CDH12: variants seen among roughly 807,000 people sequenced by gnomAD.
CDH12 encodes the protein cadherin-12.
CDH12 carries 41 observed loss-of-function variants against 74.1 expected under a neutral mutation model. The ratio of observed to expected loss-of-function variants is 0.55; its 90% CI spans 0.43 to 0.72. The LOEUF is 0.72. CDH12 is among the 30% of genes least tolerant of loss of function. The pLI is 0.00. For missense variants in CDH12, 945 were observed against 977.2 expected (o/e 0.97, Z 0.44); for synonymous variants, 399 against 355.0 (o/e 1.12, Z -1.39).
At chr5:22,029,801 G>A (rs1738681993) in intron 5 of CDH12, among the ~76,000 whole-genome samples, 2 of 151,790 alleles carry the variant, frequency 1.3e-5, no homozygotes, top group African/African-American at 4.8e-5. Context: ...CTGCTATAAA[G>A]ACACATGCAC....
rs943592915 is a variant in CDH12, at chr5:22,268,573, TA to T, written c.-332-55931del. 1.3e-4 allele frequency among the ~76,000 whole-genome samples: 19 copies of T among 151,394 alleles called. No homozygotes were observed. In the East Asian group the frequency reaches 1.6e-3, roughly 12 times the overall value. Reference sequence around the variant, plus strand: ...CATATACTTCTGATTTTAATTTTTGTAAAAAAAAACTCTACAATTTATTATA... The same window carrying T: ...CATATACTTCTGATTTTAATTTTTGTAAAAAAAACTCTACAATTTATTATA... On this transcript the variant is annotated intron_variant, in intron 3 of 14. Coordinates refer to ENST00000382254, the MANE Select transcript of CDH12 (RefSeq NM_004061.5).
intron 5 of CDH12, among the ~76,000 whole-genome samples, chr5:22,016,341 C>T (rs1179364335): frequency 6.6e-6 from 1 of 151,966 alleles, no homozygotes; most frequent in African/African-American, 2.4e-5. Context: ...TGGTGAAAGC[C>T]ATATACTTTG....
intron 9 of CDH12, among the ~76,000 whole-genome samples, chr5:21,805,070 G>C (rs184929694): frequency 7.7e-4 from 117 of 152,048 alleles, no homozygotes; most frequent in South Asian, 5.6e-3. Flanking sequence ...TATCACCTTA[G>C]GGTTCCTTTT....
At chr5:22,735,476 A>C (rs1476770224) in intron 1 of CDH12, among the ~76,000 whole-genome samples, 1 of 151,928 alleles carries the variant, frequency 6.6e-6, no homozygotes, top group African/African-American at 2.4e-5. Context: ...AGTATACTAC[A>C]TCCTAAAATG....
intron 4 of CDH12, among the ~76,000 whole-genome samples, chr5:22,155,223 AT>A: frequency 6.6e-6 from 1 of 152,236 alleles, no homozygotes; most frequent in East Asian, 1.9e-4. Flanking sequence ...CAAGTGTGCT[AT>A]GTAACATGAC....
At chr5:21,955,186 T>C (rs920228398) in intron 6 of CDH12, among the ~76,000 whole-genome samples, 33 of 152,012 alleles carry the variant, frequency 2.2e-4, no homozygotes, top group Admixed American at 2.2e-3. Context: ...TGAAAAAAAA[T>C]AGGCACTTGC....
At chr5:21,806,915 G>C (rs1224110419) in intron 9 of CDH12, among the ~76,000 whole-genome samples, 1 of 152,096 alleles carries the variant, frequency 6.6e-6, no homozygotes, top group East Asian at 1.9e-4. Context: ...TGCCCTCCTT[G>C]GTCCTGGGCC....
chr5:22,600,640 T>C (rs1295253612), intron 1 of CDH12, among the ~76,000 whole-genome samples: 3 of 152,092 alleles, frequency 2.0e-5, no homozygotes, highest in Non-Finnish European at 4.4e-5. Context: ...CTTATAAATA[T>C]GTATTTGGTA....
intron 1 of CDH12, among the ~76,000 whole-genome samples, chr5:22,819,682 TAA>T (rs998885092): frequency 6.6e-6 from 1 of 151,630 alleles, no homozygotes; most frequent in African/African-American, 2.4e-5. Context: ...CACAAGAGAA[TAA>T]GACATGTAAC....
chr5:22,819,547 C>G (rs778390296), intron 1 of CDH12, among the ~76,000 whole-genome samples: 1 of 151,810 alleles, frequency 6.6e-6, no homozygotes, highest in Non-Finnish European at 1.5e-5. Context: ...TGGAAAAAAG[C>G]TATGCAAACA....
At chr5:21,860,027 A>G (rs532104881) in intron 6 of CDH12, among the ~76,000 whole-genome samples, 1 of 151,876 alleles carries the variant, frequency 6.6e-6, no homozygotes, top group Admixed American at 6.6e-5. Context: ...AAAAAAAAAC[A>G]TGACCTGCTG....
intron 4 of CDH12, among the ~76,000 whole-genome samples, chr5:22,095,972 G>T (rs111668441): frequency 6.6e-5 from 10 of 150,756 alleles, no homozygotes; most frequent in Admixed American, 6.6e-4. Flanking sequence ...TTATATCTGC[G>T]CTCCAACCCC....
At chr5:21,931,483 A>G (rs1754833847) in intron 6 of CDH12, among the ~76,000 whole-genome samples, 1 of 152,212 alleles carries the variant, frequency 6.6e-6, no homozygotes, top group Non-Finnish European at 1.5e-5. Flanking sequence ...AACAAAAGAA[A>G]TATTCACTAA....
In CDH12 at chr5:22,284,709, A is replaced by G. The variant is rs117203072; in HGVS notation, c.-332-72066T>C. 1.5e-4 allele frequency among the ~76,000 whole-genome samples: 23 copies of G among 152,320 alleles called. No individual in the cohort carries two copies. In the East Asian group the frequency reaches 3.1e-3, roughly 20 times the overall value. ...TCTACACCATCCCATACTCACAGGAAGAGGATTCAACAAGTGTCTGAATAC... is the reference window on the plus strand; with the variant it reads ...TCTACACCATCCCATACTCACAGGAGGAGGATTCAACAAGTGTCTGAATAC... On this transcript the variant is annotated intron_variant, in intron 3 of 14. Coordinates refer to ENST00000382254, the MANE Select transcript of CDH12 (RefSeq NM_004061.5).
At chr5:21,876,437 T>A (rs1751944239) in intron 6 of CDH12, among the ~76,000 whole-genome samples, 1 of 152,198 alleles carries the variant, frequency 6.6e-6, no homozygotes, top group Non-Finnish European at 1.5e-5. Context: ...TCATTTATAC[T>A]TTCCGGTTGC....
At chr5:21,916,396 A>C (rs548249131) in intron 6 of CDH12, among the ~76,000 whole-genome samples, 115 of 152,300 alleles carry the variant, frequency 7.6e-4, no homozygotes, top group Non-Finnish European at 1.5e-3. Flanking sequence ...TCTTCAAATA[A>C]GCTCCAGTGA....
At chr5:22,250,929 A>G (rs1409481692) in intron 3 of CDH12, among the ~76,000 whole-genome samples, 1 of 152,234 alleles carries the variant, frequency 6.6e-6, no homozygotes, top group African/African-American at 2.4e-5. Context: ...GAAATGACCT[A>G]TAAAGATAAA....
chr5:22,195,090 A>G lies in CDH12; in HGVS notation c.-187+17408T>C, dbSNP rs533754262. 3.9e-4 allele frequency among the ~76,000 whole-genome samples: 60 copies of G among 152,340 alleles called. 2 individuals are homozygous for G. Among genetic ancestry groups the G allele is most frequent in the South Asian group, 2.3e-3 (11 of 4,826 alleles). ...TATGGGTTGCCATAGGTTCTTGATA[A>G]AAGTTAGTTTTCTGTCCTCTAGGTA... On this transcript the variant is annotated intron_variant, in intron 4 of 14. Transcript: ENST00000382254.
chr5:22,102,445 G>T (rs1744189382), intron 4 of CDH12, among the ~76,000 whole-genome samples: 1 of 152,122 alleles, frequency 6.6e-6, no homozygotes, highest in Non-Finnish European at 1.5e-5. Context: ...GAAGCAAGTG[G>T]ATCATCTGAG....
Sources: gnomAD v4.1 joint callset for allele counts (sites outside exome capture counted in the v4.1 genomes callset) on GRCh38, gnomAD v4.1.1 for gene constraint, MANE v1.5 for transcripts, NCBI Gene and HGNC (gene_info 2026-07-23, HGNC 2026-07-21) for gene names.